The following HMGN5 variants were observed in gnomAD, a reference collection of about 807,000 sequenced individuals.
HMGN5 encodes the protein high mobility group nucleosome-binding domain-containing protein 5.
Under a neutral mutation model 9.5 loss-of-function variants are expected in HMGN5, and 4 were observed. That is an observed-to-expected ratio of 0.42 (90% CI 0.21 to 0.96). The LOEUF is 0.96. Ranked by LOEUF, HMGN5 falls within the 40% of genes least tolerant of loss-of-function variation. HMGN5 has a pLI of 0.30. For missense variants in HMGN5, 192 were observed against 187.5 expected, an observed-to-expected ratio of 1.02 and a Z score of -0.14; for synonymous variants, 55 against 57.1, an observed-to-expected ratio of 0.96 and a Z score of 0.16.
At chrX:81,183,713 G>T (rs1290848473) in intron 1 of HMGN5, among the ~76,000 whole-genome samples, 2 of 112,854 alleles carry the variant, frequency 1.8e-5, no homozygotes, top group Non-Finnish European at 3.7e-5. Context: ...TTGGAGCAGT[G>T]TTGCACCAGT....
intron 1 of HMGN5, among the ~76,000 whole-genome samples, chrX:81,153,619 A>G (rs1425536999): frequency 2.0e-5 from 1 of 49,317 alleles, no homozygotes; most frequent in African/African-American, 8.5e-5. Context: ...ATATATATAT[A>G]TATATATATA....
intron 1 of HMGN5, among the ~76,000 whole-genome samples, chrX:81,130,250 T>G (rs2075294915): frequency 9.0e-6 from 1 of 111,262 alleles, no homozygotes; most frequent in Admixed American, 9.6e-5. Context: ...TATTTTTCTC[T>G]TAGGCTAGAC....
chrX:81,180,733 A>G (rs1459194528), intron 1 of HMGN5, among the ~76,000 whole-genome samples: 1 of 111,910 alleles, frequency 8.9e-6, no homozygotes, highest in Non-Finnish European at 1.9e-5. Flanking sequence ...CTATGCTACT[A>G]TAAAGACACA....
intron 1 of HMGN5, among the ~76,000 whole-genome samples, chrX:81,148,006 T>C (rs990841291): frequency 9.0e-6 from 1 of 111,713 alleles, no homozygotes; most frequent in African/African-American, 3.3e-5. Context: ...TGGAAAAACA[T>C]TCCATGCTCA....
intron 1 of HMGN5, among the ~76,000 whole-genome samples, chrX:81,174,742 C>T (rs2075436466): frequency 9.0e-6 from 1 of 111,302 alleles, no homozygotes; most frequent in African/African-American, 3.3e-5. Flanking sequence ...ACATAAAATA[C>T]ACACTGCTTG....
In HMGN5 at chrX:81,145,988, C is replaced by A. The variant is rs187587847; in HGVS notation, c.-123-24316G>T. 2.7e-5 allele frequency among the ~76,000 whole-genome samples: 3 copies of A among 110,850 alleles called. No individual in the cohort carries two copies. In the East Asian group the frequency reaches 8.5e-4, roughly 31 times the overall value. On this transcript the variant is annotated intron_variant, in intron 1 of 6. Transcript: ENST00000358130. ...ATATATGCACCCAAAACAGGAGCAC[C>A]CAGATTGATAGAGCAAGTTCTCAGA...
chrX:81,130,989 C>G (rs5959818), intron 1 of HMGN5, among the ~76,000 whole-genome samples: 3,815 of 111,286 alleles, frequency 0.034, 165 homozygotes, highest in African/African-American at 0.12. Flanking sequence ...AGAACTTACT[C>G]ATGAGGCAAA....
At chrX:81,176,467 T>C (rs755676769) in intron 1 of HMGN5, among the ~76,000 whole-genome samples, 11 of 111,256 alleles carry the variant, frequency 9.9e-5, no homozygotes, top group Non-Finnish European at 1.5e-4. Context: ...CTTCAGAAGG[T>C]TGGTAATAAC....
At chrX:81,124,457 A>G (rs898793136) in intron 1 of HMGN5, among the ~76,000 whole-genome samples, 1 of 112,492 alleles carries the variant, frequency 8.9e-6, no homozygotes, top group African/African-American at 3.2e-5. Flanking sequence ...TTTAGCCCTA[A>G]GAAATTCTTC....
chrX:81,119,943 A>G (rs2075264399), intron 2 of HMGN5, 126 bp from the exon 3 acceptor site: 2 of 588,023 alleles, frequency 3.4e-6, no homozygotes, highest in East Asian at 7.2e-5. Flanking sequence ...TTCCTGCTCA[A>G]GTAGACACGT....
chrX:81,143,866 G>A (rs951702717), intron 1 of HMGN5, among the ~76,000 whole-genome samples: 14 of 112,205 alleles, frequency 1.2e-4, no homozygotes, highest in African/African-American at 4.5e-4. Flanking sequence ...CCCTCACCAT[G>A]TAAACAAAGC....
At chrX:81,155,654 C>T (rs1394885201) in intron 1 of HMGN5, among the ~76,000 whole-genome samples, 3 of 111,369 alleles carry the variant, frequency 2.7e-5, no homozygotes, top group Non-Finnish European at 5.7e-5. Context: ...AAAACCAACC[C>T]CAAATGATCA....
chrX:81,145,423 G>C (rs1215518925), intron 1 of HMGN5, among the ~76,000 whole-genome samples: 2 of 111,696 alleles, frequency 1.8e-5, no homozygotes, highest in Non-Finnish European at 3.8e-5. Context: ...AAGTGAAAGA[G>C]AAATAAAATC....
At chrX:81,177,630 C>A (rs2084096744) in intron 1 of HMGN5, among the ~76,000 whole-genome samples, 1 of 110,099 alleles carries the variant, frequency 9.1e-6, no homozygotes, top group Admixed American at 9.8e-5. Context: ...CTTTAACACC[C>A]CAGTGGCAGT....
At chrX:81,118,867 TTAAG>T (rs2075261527) in intron 3 of HMGN5, 108 bp from the exon 4 acceptor site, 3 of 494,917 alleles carry the variant, frequency 6.1e-6, no homozygotes, top group African/African-American at 4.9e-5. Flanking sequence ...AATATTGTCA[TTAAG>T]TAATTGTGAA....
chrX:81,162,035 T>C (rs1355989376), intron 1 of HMGN5, among the ~76,000 whole-genome samples: 1 of 111,086 alleles, frequency 9.0e-6, no homozygotes, highest in Non-Finnish European at 1.9e-5. Flanking sequence ...TGTTAAAGCC[T>C]CAAAAATATG....
At chrX:81,178,557 G>A (rs2075450309) in intron 1 of HMGN5, among the ~76,000 whole-genome samples, 1 of 111,166 alleles carries the variant, frequency 9.0e-6, no homozygotes. Context: ...CTGAAATTGA[G>A]GCAATAATTA....
chrX:81,132,491 G>T (rs2075300041), intron 1 of HMGN5, among the ~76,000 whole-genome samples: 2 of 110,731 alleles, frequency 1.8e-5, no homozygotes, highest in African/African-American at 6.5e-5. Context: ...CAAACAGCAT[G>T]GTACTGGCAT....
In HMGN5 at chrX:81,184,064, G is replaced by T. The variant is rs776501629; in HGVS notation, c.-124+17673C>A. On this transcript the variant is annotated intron_variant, in intron 1 of 6. Transcript: ENST00000358130. ...ATTTTGCAGTTTGAGAAAGAAATGA[G>T]TTTTGGGAGGGGCCGGGGTGGAATG... 1.3e-4 allele frequency among the ~76,000 whole-genome samples: 14 copies of T among 111,389 alleles called. No homozygotes were observed. The South Asian group carries it at 5.3e-3, about 42-fold the overall frequency.
Sources: gnomAD v4.1 joint callset for allele counts (sites outside exome capture counted in the v4.1 genomes callset) on GRCh38, gnomAD v4.1.1 for gene constraint, MANE v1.5 for transcripts, NCBI Gene and HGNC (gene_info 2026-07-23, HGNC 2026-07-21) for gene names.